The following APPBP2 variants were observed in gnomAD, a reference collection of about 807,000 sequenced individuals.
APPBP2 encodes amyloid protein-binding protein 2.
In APPBP2, 15 loss-of-function variants were observed where a neutral mutation model predicts 76.0. The ratio of observed to expected loss-of-function variants is 0.20; its 90% confidence interval spans 0.13 to 0.30. The LOEUF (loss-of-function observed/expected upper bound fraction) is 0.30. Among genes scored for constraint, APPBP2 ranks in the 10% least tolerant of loss-of-function variants. The pLI is 1.00. For synonymous variants in APPBP2, 222 were observed against 242.2 expected (o/e 0.92, Z 0.77); for missense variants, 401 against 687.2 (o/e 0.58, Z 4.66).
intron 1 of APPBP2, among the ~76,000 whole-genome samples, chr17:60,511,696 TTA>T (rs2090915175): frequency 6.6e-6 from 1 of 152,178 alleles, no homozygotes; most frequent in Admixed American, 6.6e-5. Context: ...ATTTCAGCAT[TTA>T]TGTTTTTAAA....
intron 9 of APPBP2, among the ~76,000 whole-genome samples, chr17:60,457,430 T>C (rs2143304427): frequency 6.6e-6 from 1 of 151,718 alleles, no homozygotes; most frequent in East Asian, 1.9e-4. Context: ...TTTGTTTTTG[T>C]TTGTTTGTTT....
rs570916238 is a variant in APPBP2 at position 60,502,164 on chromosome 17, T to A, written c.139-1677A>T. Among the ~76,000 whole-genome samples the A allele has an allele frequency of 4.6e-5, 7 of 152,324 alleles. 1 individual carries two copies. The South Asian group carries it at 1.4e-3, about 32-fold the overall frequency. ...GCAGTCTCAAACTCCTGGGCTCAAG[T>A]GATCTTCCTGCCTCAGACTCTCTGA... On this transcript the variant is annotated intron_variant, in intron 1 of 12. Transcript: ENST00000083182.
intron 6 of APPBP2, among the ~76,000 whole-genome samples, chr17:60,463,339 C>T (rs894345014): frequency 2.0e-5 from 3 of 152,146 alleles, no homozygotes; most frequent in Admixed American, 6.5e-5. Flanking sequence ...AAAGAGTTAA[C>T]GCAGGCCAAC....
intron 3 of APPBP2, among the ~76,000 whole-genome samples, chr17:60,489,976 A>T (rs929834530): frequency 2.0e-5 from 3 of 152,222 alleles, no homozygotes; most frequent in Non-Finnish European, 4.4e-5. Context: ...CGGAAGTTGC[A>T]GTGAGCAAAA....
intron 1 of APPBP2, among the ~76,000 whole-genome samples, chr17:60,519,986 G>T (rs1407217227): frequency 1.3e-5 from 2 of 151,670 alleles, no homozygotes; most frequent in East Asian, 3.9e-4. Context: ...ATCTCACTAT[G>T]TTGCCCAGGC....
At chr17:60,518,196 C>T (rs987306173) in intron 1 of APPBP2, among the ~76,000 whole-genome samples, 2 of 151,536 alleles carry the variant, frequency 1.3e-5, no homozygotes, top group African/African-American at 2.4e-5. Flanking sequence ...AGGTGTATGT[C>T]GCCATGCCTA....
intron 3 of APPBP2, among the ~76,000 whole-genome samples, chr17:60,483,050 G>C (rs760749316): frequency 6.6e-6 from 1 of 152,188 alleles, no homozygotes; most frequent in Non-Finnish European, 1.5e-5. Flanking sequence ...CCCACCAACA[G>C]TGTAAAAGTG....
chr17:60,509,784 A>G (rs143063727), intron 1 of APPBP2, among the ~76,000 whole-genome samples: 2,286 of 152,226 alleles, frequency 0.015, 47 homozygotes, highest in African/African-American at 0.051. Flanking sequence ...GGGCAACAAC[A>G]GTGAAACTCC....
intron 1 of APPBP2, among the ~76,000 whole-genome samples, chr17:60,503,055 C>T (rs374555411): frequency 3.5e-5 from 5 of 141,468 alleles, no homozygotes; most frequent in East Asian, 3.9e-4. Flanking sequence ...ACTCTGTCAC[C>T]AGGTTGGAGT....
At chr17:60,515,117 T>C (rs1421722845) in intron 1 of APPBP2, among the ~76,000 whole-genome samples, 1 of 148,886 alleles carries the variant, frequency 6.7e-6, no homozygotes, top group Non-Finnish European at 1.5e-5. Context: ...TTTAAATTTT[T>C]TTTTTTTTTT....
intron 12 of APPBP2, among the ~76,000 whole-genome samples, chr17:60,448,617 G>A (rs764396932): frequency 2.6e-5 from 4 of 152,228 alleles, no homozygotes; most frequent in Non-Finnish European, 5.9e-5. Context: ...TTATGTAGCT[G>A]CAAACTGATG....
chr17:60,483,623 G>A (rs958324387), intron 3 of APPBP2, among the ~76,000 whole-genome samples: 10 of 152,024 alleles, frequency 6.6e-5, no homozygotes, highest in East Asian at 5.8e-4. Flanking sequence ...TCGATCTCCC[G>A]ACCTCGTGAT....
chr17:60,518,380 TG>T (rs2090980962), intron 1 of APPBP2, among the ~76,000 whole-genome samples: 1 of 137,012 alleles, frequency 7.3e-6, no homozygotes, highest in Non-Finnish European at 1.6e-5. Context: ...TGTGTGTGTG[TG>T]TGTGTGTGTG....
chr17:60,520,787 C>G (rs188116285), intron 1 of APPBP2, among the ~76,000 whole-genome samples: 1 of 152,120 alleles, frequency 6.6e-6, no homozygotes, highest in East Asian at 1.9e-4. Flanking sequence ...GTCTTGAACT[C>G]CTGGACTCAA....
intron 4 of APPBP2, among the ~76,000 whole-genome samples, chr17:60,478,826 C>T (rs1222482080): frequency 1.3e-5 from 2 of 152,200 alleles, no homozygotes; most frequent in Admixed American, 1.3e-4. Context: ...AGGAGAATCA[C>T]TTGAACCCAG....
chr17:60,451,834 GT>G, intron 12 of APPBP2, 45 bp downstream of exon 12: 1 of 1,509,864 alleles, frequency 6.6e-7, no homozygotes, highest in Non-Finnish European at 9.0e-7. Flanking sequence ...ATGCTGACAT[GT>G]TGATTTGTAA....
chr17:60,484,542 TAAG>T (rs1310783098), intron 3 of APPBP2, among the ~76,000 whole-genome samples: 1 of 152,180 alleles, frequency 6.6e-6, no homozygotes, highest in Non-Finnish European at 1.5e-5. Flanking sequence ...TATTGGTGCA[TAAG>T]AATGCTTGTG....
rs2090487411 is a variant in APPBP2 at position 60,463,001 on chromosome 17, T to G, written c.763-940A>C. Among the ~76,000 whole-genome samples the G allele has an allele frequency of 2.6e-5, 4 of 150,984 alleles. 1 individual carries two copies. The South Asian group carries it at 6.3e-4, about 24-fold the overall frequency. On this transcript the variant is annotated intron_variant, in intron 6 of 12. Transcript: ENST00000083182. ...CAGAAATATAAATCTTGCATAAATA[T>G]TATGTTGTCTTTATATTAATATTCA...
chr17:60,509,700 G>C (rs1183193324), intron 1 of APPBP2, among the ~76,000 whole-genome samples: 1 of 152,178 alleles, frequency 6.6e-6, no homozygotes, highest in African/African-American at 2.4e-5. Flanking sequence ...TACCCGGGGG[G>C]CTGAGGCAGA....
Sources: gnomAD v4.1 joint callset for allele counts (sites outside exome capture counted in the v4.1 genomes callset) on GRCh38, gnomAD v4.1.1 for gene constraint, MANE v1.5 for transcripts, NCBI Gene and HGNC (gene_info 2026-07-23, HGNC 2026-07-21) for gene names.